NTN4: variants seen among roughly 807,000 people sequenced by gnomAD.
NTN4 encodes the protein netrin 4, also known as netrin-4.
In NTN4, 32 loss-of-function variants were observed where a neutral mutation model predicts 73.6. The observed-to-expected ratio is 0.44, with a 90% CI of 0.33 to 0.58. The LOEUF is 0.58. Ranked by LOEUF, NTN4 falls within the 20% of genes least tolerant of loss-of-function variation. NTN4 has a pLI of 0.04. For synonymous variants in NTN4, 258 were observed against 287.5 expected, an observed-to-expected ratio of 0.90 and a Z score of 1.04; for missense variants, 654 against 798.3, an observed-to-expected ratio of 0.82 and a Z score of 2.18.
intron 3 of NTN4, among the ~76,000 whole-genome samples, chr12:95,716,139 T>G (rs576125054): frequency 6.6e-6 from 1 of 151,502 alleles, no homozygotes; most frequent in African/African-American, 2.4e-5. Flanking sequence ...ACATAAATAA[T>G]CTGATAGAAT....
At chr12:95,687,381 A>T (rs2078368916) in intron 5 of NTN4, among the ~76,000 whole-genome samples, 1 of 150,106 alleles carries the variant, frequency 6.7e-6, no homozygotes, top group Non-Finnish European at 1.5e-5. Flanking sequence ...TTGGTGAAAA[A>T]AAATTTTTTT....
chr12:95,729,630 AGAGTGT>A (rs1340305656), intron 3 of NTN4, among the ~76,000 whole-genome samples: 72 of 91,754 alleles, frequency 7.8e-4, no homozygotes, highest in African/African-American at 2.1e-3. Context: ...AGAGAGAGAG[AGAGTGT>A]GTGTGTGTGT....
intron 3 of NTN4, among the ~76,000 whole-genome samples, chr12:95,726,886 C>T (rs531220563): frequency 9.9e-4 from 150 of 152,052 alleles, no homozygotes; most frequent in African/African-American, 3.1e-3. Context: ...AGGAGAATGG[C>T]GTGAACCTGG....
intron 8 of NTN4, among the ~76,000 whole-genome samples, chr12:95,667,069 C>T (rs979981597): frequency 2.6e-5 from 4 of 152,092 alleles, no homozygotes; most frequent in Non-Finnish European, 4.4e-5. Context: ...GATTCTATTA[C>T]GCCCTCCCAT....
chr12:95,751,576 C>T (rs1484811576), intron 2 of NTN4, among the ~76,000 whole-genome samples: 1 of 152,060 alleles, frequency 6.6e-6, no homozygotes, highest in East Asian at 1.9e-4. Context: ...CAGCCACTCC[C>T]AGAGCCCCTG....
At chr12:95,681,498 A>G (rs1479454513) in intron 7 of NTN4, among the ~76,000 whole-genome samples, 5 of 152,242 alleles carry the variant, frequency 3.3e-5, no homozygotes, top group Non-Finnish European at 7.3e-5. Context: ...ATGTTTCATA[A>G]TAAAATATAT....
intron 2 of NTN4, among the ~76,000 whole-genome samples, chr12:95,761,390 G>T (rs6538672): frequency 0.55 from 81,397 of 147,322 alleles, 22,496 homozygotes; most frequent in East Asian, 0.69. Context: ...GAGTGCAGTG[G>T]TGCGATCTCG....
At chr12:95,705,351 G>A (rs1029445740) in intron 5 of NTN4, among the ~76,000 whole-genome samples, 1 of 152,080 alleles carries the variant, frequency 6.6e-6, no homozygotes, top group Non-Finnish European at 1.5e-5. Context: ...TCAACTACTT[G>A]TTGGTAGTTC....
intron 5 of NTN4, among the ~76,000 whole-genome samples, chr12:95,705,289 T>G (rs113685812): frequency 1.4e-4 from 22 of 152,250 alleles, no homozygotes; most frequent in Admixed American, 3.9e-4. Context: ...CATGGCTATA[T>G]CTATAAATAT....
chr12:95,692,014 A>G (rs944187460), intron 5 of NTN4, among the ~76,000 whole-genome samples: 1 of 152,154 alleles, frequency 6.6e-6, no homozygotes, highest in African/African-American at 2.4e-5. Flanking sequence ...TTCATCAATA[A>G]TGCATGAGAC....
chr12:95,717,817 A>G (rs531301008), intron 3 of NTN4, among the ~76,000 whole-genome samples: 21 of 152,328 alleles, frequency 1.4e-4, no homozygotes, highest in African/African-American at 5.1e-4. Context: ...ATCTAATTAA[A>G]AAATGAGTAA....
intron 5 of NTN4, among the ~76,000 whole-genome samples, chr12:95,690,903 ACC>A (rs766048843): frequency 2.6e-5 from 4 of 151,916 alleles, no homozygotes; most frequent in Admixed American, 1.3e-4. Flanking sequence ...CCAGGAGTTG[ACC>A]TCTCCCTTCT....
chr12:95,749,713 T>C (rs1181406421), intron 2 of NTN4, among the ~76,000 whole-genome samples: 1 of 152,190 alleles, frequency 6.6e-6, no homozygotes, highest in Non-Finnish European at 1.5e-5. Context: ...GCCTTGGTCC[T>C]TCACCCTTAG....
At chr12:95,724,452 G>C (rs1480107530) in intron 3 of NTN4, among the ~76,000 whole-genome samples, 1 of 152,194 alleles carries the variant, frequency 6.6e-6, no homozygotes, top group Non-Finnish European at 1.5e-5. Context: ...AACTGAGCTG[G>C]TGTATGGGCT....
intron 8 of NTN4, among the ~76,000 whole-genome samples, chr12:95,668,340 T>C (rs1439063223): frequency 6.6e-6 from 1 of 152,176 alleles, no homozygotes; most frequent in Non-Finnish European, 1.5e-5. Flanking sequence ...ACCAAGTTGA[T>C]GTGATAAGGA....
chr12:95,724,046 C>T (rs2078671418), intron 3 of NTN4, among the ~76,000 whole-genome samples: 1 of 151,880 alleles, frequency 6.6e-6, no homozygotes, highest in East Asian at 1.9e-4. Context: ...ATCAAGAATA[C>T]TTGAGGATTT....
At chr12:95,782,552 A>G (rs1041886291) in intron 2 of NTN4, among the ~76,000 whole-genome samples, 8 of 152,082 alleles carry the variant, frequency 5.3e-5, no homozygotes, top group Non-Finnish European at 1.0e-4. Flanking sequence ...CCTGCCTCCC[A>G]AAGTGCTGGG....
At chr12:95,678,348 G>GAA (rs2078289841) in intron 7 of NTN4, among the ~76,000 whole-genome samples, 3 of 56,124 alleles carry the variant, frequency 5.3e-5, no homozygotes, top group East Asian at 1.0e-3. Context: ...AGAACTTAAA[G>GAA]TAAAAAAAAA....
intron 3 of NTN4, among the ~76,000 whole-genome samples, chr12:95,729,889 C>G (rs1555218246): frequency 6.6e-6 from 1 of 152,132 alleles, no homozygotes; most frequent in Non-Finnish European, 1.5e-5. Flanking sequence ...CAGCTTTTCT[C>G]TTTCCATATA....
Sources: allele counts gnomAD v4.1 joint callset (sites outside exome capture counted in the v4.1 genomes callset), GRCh38; gene constraint gnomAD v4.1.1; transcripts MANE v1.5; gene names NCBI Gene and HGNC (gene_info 2026-07-23, HGNC 2026-07-21).